METAP1D: variants seen among roughly 807,000 people sequenced by gnomAD.
METAP1D encodes methionine aminopeptidase 1D, mitochondrial.
METAP1D carries 31 observed loss-of-function variants against 40.5 expected under a neutral mutation model. That is an observed-to-expected ratio of 0.77 (90% CI 0.58 to 1.03). The LOEUF is 1.03. METAP1D is among the 50% of genes least tolerant of loss of function. METAP1D has a pLI of 0.00. For missense variants in METAP1D, 411 were observed against 420.7 expected, an observed-to-expected ratio of 0.98 and a Z score of 0.20; for synonymous variants, 151 against 146.4, an observed-to-expected ratio of 1.03 and a Z score of -0.22.
intron 1 of METAP1D, among the ~76,000 whole-genome samples, chr2:172,007,770 A>G (rs1207625259): frequency 6.6e-6 from 1 of 152,058 alleles, no homozygotes; most frequent in Non-Finnish European, 1.5e-5. Flanking sequence ...GCTCACTGCA[A>G]CCTTCTTCTC....
intron 6 of METAP1D, 59 bp from the exon 7 acceptor site, chr2:172,077,733 TTTATC>T (rs2105502763): frequency 1.4e-6 from 1 of 730,402 alleles, no homozygotes; most frequent in East Asian, 2.9e-5. Context: ...GTGACTTTGT[TTTATC>T]TTAGTATGCC....
rs1275592692 is a variant in METAP1D, at chr2:172,080,717, TTC to T, written c.*315_*316del. ...AAGAGATTCCAAGAGAAGCACGGTT[TTC>T]TCTTTCCCTTGCCCTGACTGTTGGA... is the stretch of plus-strand genomic sequence containing the variant. On this transcript the variant is annotated 3_prime_UTR_variant, in exon 10 of 10. Coordinates refer to ENST00000315796, the MANE Select transcript of METAP1D (RefSeq NM_199227.3). 1.4e-5 allele frequency: 7 copies of T among 516,292 alleles called. No homozygotes were observed. The highest frequency in any genetic ancestry group is 2.4e-5 in the Non-Finnish European group (7 of 287,630). The allele number at this position is 516,292 out of a possible 1,614,324, so 32.0% of individuals were successfully genotyped here.
In METAP1D at chr2:172,043,871, G is replaced by C. The variant is rs962312506; in HGVS notation, c.41-17627G>C. 7.4e-5 allele frequency among the ~76,000 whole-genome samples: 10 copies of C among 135,292 alleles called. 3 individuals carry two copies. Among genetic ancestry groups the C allele is most frequent in the Non-Finnish European group, 5.2e-5 (3 of 57,948 alleles). The allele number at this position is 135,292 out of a possible 152,430, so 88.8% of individuals were successfully genotyped here. On this transcript the variant is annotated intron_variant, in intron 1 of 9. Transcript: ENST00000315796. ...GCACTGTGGGAGACCAAGGCAGGAG[G>C]ATCACTTGAATCCAGGAGTTTGAGA...
At chr2:172,000,581 T>C (rs1688437194) in intron 1 of METAP1D, among the ~76,000 whole-genome samples, 1 of 152,222 alleles carries the variant, frequency 6.6e-6, no homozygotes, top group Admixed American at 6.5e-5. Flanking sequence ...AAATCTTTGT[T>C]GGATTTGAAC....
intron 1 of METAP1D, among the ~76,000 whole-genome samples, chr2:172,007,898 C>A (rs968385696): frequency 1.3e-5 from 2 of 152,120 alleles, no homozygotes; most frequent in African/African-American, 4.8e-5. Flanking sequence ...CCATGTTGGC[C>A]AGGCTGGTCT....
rs1689663373 is a variant in METAP1D at position 172,043,291 on chromosome 2, C to T, written c.41-18207C>T. Among the ~76,000 whole-genome samples the T allele has an allele frequency of 1.5e-5, 2 of 131,108 alleles. 1 individual carries two copies. Among genetic ancestry groups the T allele is most frequent in the Non-Finnish European group, 3.5e-5 (2 of 56,486 alleles). The allele number at this position is 131,108 out of a possible 152,430, so 86.0% of individuals were successfully genotyped here. A position where few individuals can be genotyped will look rare whatever the true frequency, so the allele number is the denominator to read the frequency against. ...AAATAGTATTCTTTTATTGGAACTT[C>T]ACTTGGTTTGCACTTCCAACACCTG... On this transcript the variant is annotated intron_variant, in intron 1 of 9. Coordinates refer to ENST00000315796, the MANE Select transcript of METAP1D (RefSeq NM_199227.3).
chr2:172,041,826 A>C (rs141532184), intron 1 of METAP1D, among the ~76,000 whole-genome samples: 54,085 of 89,356 alleles, frequency 0.61, 19,245 homozygotes, highest in Middle Eastern at 0.66. Context: ...TTTAAGATGG[A>C]GTCTTACTCT....
At chr2:172,079,388 A>C in intron 8 of METAP1D, 126 bp downstream of exon 8, 4 of 833,980 alleles carry the variant, frequency 4.8e-6, no homozygotes, top group Non-Finnish European at 7.9e-6. Flanking sequence ...ATTCGGATGC[A>C]CTGGAAATCT....
At chr2:172,016,649 A>C (rs1688874137) in intron 1 of METAP1D, among the ~76,000 whole-genome samples, 1 of 151,758 alleles carries the variant, frequency 6.6e-6, no homozygotes, top group African/African-American at 2.4e-5. Context: ...AGAAAGAAAG[A>C]AAAATATGAA....
chr2:172,016,300 A>AATATATATATATATAT (rs1188835723), intron 1 of METAP1D, among the ~76,000 whole-genome samples: 35 of 40,050 alleles, frequency 8.7e-4, no homozygotes, highest in South Asian at 1.5e-3. Flanking sequence ...AAAAAAAAAA[A>AATATATATATATATAT]ATATATATAT....
intron 1 of METAP1D, among the ~76,000 whole-genome samples, chr2:172,024,748 T>TTGTGTGTGTGTGTGTGTGTG (rs61596658): frequency 1.5e-5 from 1 of 66,570 alleles, no homozygotes; most frequent in African/African-American, 4.0e-5. Flanking sequence ...GACATATAGA[T>TTGTGTGTGTGTGTGTGTGTG]TGTGTGTGTG....
intron 1 of METAP1D, among the ~76,000 whole-genome samples, chr2:172,007,113 G>GT (rs11385242): frequency 0.026 from 3,499 of 136,686 alleles, 48 homozygotes; most frequent in African/African-American, 0.031. Flanking sequence ...GTTGACTGCT[G>GT]TTTTTTTTTT....
intron 1 of METAP1D, among the ~76,000 whole-genome samples, chr2:172,007,590 C>G (rs1177591655): frequency 6.6e-6 from 1 of 152,104 alleles, no homozygotes; most frequent in Non-Finnish European, 1.5e-5. Context: ...CCTGCATTGC[C>G]TAATATCCAG....
intron 1 of METAP1D, among the ~76,000 whole-genome samples, chr2:172,037,167 C>A (rs1209978455): frequency 1.3e-5 from 2 of 151,960 alleles, no homozygotes; most frequent in Admixed American, 1.3e-4. Flanking sequence ...GAGGCTGAGA[C>A]AGGAGAATCG....
chr2:172,045,485 A>T (rs1157520256), intron 1 of METAP1D, among the ~76,000 whole-genome samples: 2 of 86,714 alleles, frequency 2.3e-5, no homozygotes, highest in Non-Finnish European at 6.5e-5. Flanking sequence ...ACATGGAGAA[A>T]CCCCGTCTCT....
intron 1 of METAP1D, among the ~76,000 whole-genome samples, chr2:172,007,722 C>G (rs1006150388): frequency 6.6e-6 from 1 of 151,950 alleles, no homozygotes; most frequent in Non-Finnish European, 1.5e-5. Context: ...GAGACAGAGT[C>G]TCTGTTGCCC....
At chr2:172,013,509 A>G (rs1688778379) in intron 1 of METAP1D, among the ~76,000 whole-genome samples, 1 of 152,200 alleles carries the variant, frequency 6.6e-6, no homozygotes, top group African/African-American at 2.4e-5. Context: ...GAGGGGGATC[A>G]CATCCATGGG....
intron 1 of METAP1D, among the ~76,000 whole-genome samples, chr2:172,051,481 G>A (rs1053020977): frequency 3.3e-5 from 5 of 152,130 alleles, no homozygotes; most frequent in African/African-American, 9.7e-5. Context: ...AAGTGTTTTC[G>A]TAAAACATTT....
intron 1 of METAP1D, among the ~76,000 whole-genome samples, chr2:172,005,546 C>CTT (rs373606194): frequency 0.015 from 1,149 of 74,906 alleles, 29 homozygotes; most frequent in African/African-American, 0.048. Context: ...ATATATATAT[C>CTT]TTTTTTTTTT....
Sources: gnomAD v4.1 joint callset for allele counts (sites outside exome capture counted in the v4.1 genomes callset) on GRCh38, gnomAD v4.1.1 for gene constraint, MANE v1.5 for transcripts, NCBI Gene and HGNC (gene_info 2026-07-23, HGNC 2026-07-21) for gene names.